Variants in PCDH11X observed in about 807,000 individuals in gnomAD.
The protein encoded by PCDH11X is protocadherin-11 X-linked.
PCDH11X carries 18 observed loss-of-function variants against 53.3 expected under a neutral mutation model. The ratio of observed to expected loss-of-function variants is 0.34; its 90% confidence interval spans 0.23 to 0.50. The LOEUF is 0.50. PCDH11X is among the 20% of genes least tolerant of loss of function. The probability of loss-of-function intolerance (pLI) is 0.98; values close to 1 mark genes in which losing one functional copy is unlikely to be tolerated. For missense variants in PCDH11X, 570 were observed against 1,032.4 expected, an observed-to-expected ratio of 0.55 and a Z score of 6.14; for synonymous variants, 279 against 393.3, an observed-to-expected ratio of 0.71 and a Z score of 3.44.
At chrX:92,146,728 G>T (rs1442370515) in intron 6 of PCDH11X, among the ~76,000 whole-genome samples, 1 of 111,613 alleles carries the variant, frequency 9.0e-6, no homozygotes, top group African/African-American at 3.3e-5. Context: ...GCCTAGTGCG[G>T]TGGCTTACAC....
At position 91,937,814 on chromosome X, in the gene PCDH11X, C is replaced by T. The variant is rs1040315561; in HGVS notation, c.3033+58541C>T. On this transcript the variant is annotated intron_variant, in intron 6 of 10. Coordinates refer to ENST00000682573, the MANE Select transcript of PCDH11X (RefSeq NM_032968.5). The stretch of plus-strand genomic sequence containing the variant: ...TTTTTCTCAAATTTTAAAAATTAAG[C>T]TTAATTTCCTCATGCAAATATGACT... Among the ~76,000 whole-genome samples the T allele has an allele frequency of 1.8e-3, 197 of 110,882 alleles. 6 individuals carry two copies. The highest frequency in any genetic ancestry group is 5.3e-4 in the Non-Finnish European group (28 of 52,731).
At chrX:91,834,327 G>A (rs904052826) in intron 4 of PCDH11X, among the ~76,000 whole-genome samples, 2 of 110,786 alleles carry the variant, frequency 1.8e-5, no homozygotes, top group Non-Finnish European at 3.8e-5. Flanking sequence ...AATTTTGTCA[G>A]AAGAGTTCAA....
intron 7 of PCDH11X, among the ~76,000 whole-genome samples, chrX:92,212,146 A>C (rs2066602135): frequency 9.3e-6 from 1 of 107,171 alleles, no homozygotes; most frequent in Non-Finnish European, 1.9e-5. Context: ...CAAGTAGCTG[A>C]CATTGCATGT....
At chrX:92,600,629 A>G (rs1425267596) in intron 10 of PCDH11X, among the ~76,000 whole-genome samples, 2 of 109,283 alleles carry the variant, frequency 1.8e-5, no homozygotes, top group Non-Finnish European at 3.8e-5. Context: ...AGGGCAGTGC[A>G]GAAGGGAAAT....
intron 10 of PCDH11X, among the ~76,000 whole-genome samples, chrX:92,570,284 C>T (rs1210940411): frequency 8.9e-6 from 1 of 111,783 alleles, no homozygotes; most frequent in Non-Finnish European, 1.9e-5. Context: ...TGCTAGAACA[C>T]ATTTAATAGT....
chrX:91,941,747 G>A (rs182681257), intron 6 of PCDH11X, among the ~76,000 whole-genome samples: 47 of 110,140 alleles, frequency 4.3e-4, no homozygotes, highest in Admixed American at 3.7e-3. Flanking sequence ...AATGATAGCC[G>A]AATACGTTCT....
At chrX:92,421,174 AT>A (rs1340587918) in intron 9 of PCDH11X, among the ~76,000 whole-genome samples, 1 of 111,589 alleles carries the variant, frequency 9.0e-6, no homozygotes. Context: ...GGTATATTGC[AT>A]GCCATGGGGC....
chrX:92,424,208 A>T (rs1368411430), intron 9 of PCDH11X, among the ~76,000 whole-genome samples: 1 of 88,253 alleles, frequency 1.1e-5, no homozygotes, highest in African/African-American at 3.6e-5. Context: ...TTCCCTTGAG[A>T]ATCTCTCATA....
At chrX:92,533,638 T>C (rs970992348) in intron 10 of PCDH11X, among the ~76,000 whole-genome samples, 2 of 104,755 alleles carry the variant, frequency 1.9e-5, no homozygotes, top group African/African-American at 7.0e-5. Context: ...AATTTTATTA[T>C]TTGCTAATTT....
At chrX:92,135,613 ATAT>A (rs1428736039) in intron 6 of PCDH11X, among the ~76,000 whole-genome samples, 1 of 111,015 alleles carries the variant, frequency 9.0e-6, no homozygotes, top group Non-Finnish European at 1.9e-5. Context: ...TTCATTATAA[ATAT>A]TATTGTGAAC....
Position 91,921,067 on chromosome X carries a change from T to C in PCDH11X, c.3033+41794T>C, listed in dbSNP as rs1371648303. Among the ~76,000 whole-genome samples, 3 of 112,043 alleles carry C rather than the reference T, an allele frequency of 2.7e-5. No individual in the cohort carries two copies. In the East Asian group the frequency reaches 8.4e-4, roughly 31 times the overall value. ...ACATTTACCACAAAGCTTCCAGTGA[T>C]GGTTCATCTGTGGGTGAATTTCCCA... On this transcript the variant is annotated intron_variant, in intron 6 of 10. Transcript: ENST00000682573.
intron 4 of PCDH11X, among the ~76,000 whole-genome samples, chrX:91,823,094 G>C (rs376134090): frequency 1.8e-5 from 2 of 108,413 alleles, no homozygotes; most frequent in Non-Finnish European, 3.8e-5. Context: ...TTACTTCCAA[G>C]TATGTGGTCA....
intron 10 of PCDH11X, among the ~76,000 whole-genome samples, chrX:92,471,112 T>C (rs1284266550): frequency 9.5e-6 from 1 of 105,203 alleles, no homozygotes; most frequent in Non-Finnish European, 2.0e-5. Flanking sequence ...TTTCTTTTTT[T>C]TTTTTTAACT....
intron 9 of PCDH11X, among the ~76,000 whole-genome samples, chrX:92,463,686 ACT>A (rs1425455329): frequency 2.7e-5 from 3 of 111,198 alleles, no homozygotes; most frequent in African/African-American, 9.8e-5. Context: ...TTAAGTTGTA[ACT>A]CTGTGCTCTT....
chrX:92,118,490 A>C (rs1488147245), intron 6 of PCDH11X, among the ~76,000 whole-genome samples: 1 of 108,458 alleles, frequency 9.2e-6, no homozygotes, highest in African/African-American at 3.4e-5. Flanking sequence ...AGCATTCTTA[A>C]AGACCTTAAA....
chrX:91,989,581 A>T (rs1360288286), intron 6 of PCDH11X, among the ~76,000 whole-genome samples: 1 of 107,684 alleles, frequency 9.3e-6, no homozygotes. Flanking sequence ...CAACAAAAAA[A>T]AGAATAAGAA....
chrX:92,614,802 G>C (rs1249758906), intron 10 of PCDH11X, among the ~76,000 whole-genome samples: 1 of 111,494 alleles, frequency 9.0e-6, no homozygotes, highest in African/African-American at 3.3e-5. Flanking sequence ...ACAGGGATTA[G>C]GGGAGGCCTA....
chrX:92,554,381 A>C (rs1398661547), intron 10 of PCDH11X, among the ~76,000 whole-genome samples: 1 of 104,899 alleles, frequency 9.5e-6, no homozygotes, highest in Non-Finnish European at 2.0e-5. Flanking sequence ...CCAGGCCCTA[A>C]AGAATTTTTT....
intron 10 of PCDH11X, among the ~76,000 whole-genome samples, chrX:92,544,799 G>A (rs899382616): frequency 1.6e-4 from 17 of 109,367 alleles, no homozygotes; most frequent in Non-Finnish European, 3.0e-4. Context: ...AAATTTACTG[G>A]TGTGTATTAA....
Sources: allele counts gnomAD v4.1 joint callset (sites outside exome capture counted in the v4.1 genomes callset), GRCh38; gene constraint gnomAD v4.1.1; transcripts MANE v1.5; gene names NCBI Gene and HGNC (gene_info 2026-07-23, HGNC 2026-07-21).